The following MAP1B variants were observed in gnomAD, a reference collection of about 807,000 sequenced individuals.
MAP1B encodes microtubule associated protein 1B, also known as microtubule-associated protein 1B.
MAP1B carries 12 observed loss-of-function variants against 176.1 expected under a neutral mutation model. That is an observed-to-expected ratio of 0.07 (90% CI 0.04 to 0.11). MAP1B has a LOEUF of 0.11. MAP1B is among the 10% of genes least tolerant of loss of function. The probability of loss-of-function intolerance (pLI) is 1.00; values close to 1 mark genes in which losing one functional copy is unlikely to be tolerated. For missense variants in MAP1B, 2,523 were observed against 2,990.5 expected (o/e 0.84, Z 3.65); for synonymous variants, 1,044 against 1,135.0 (o/e 0.92, Z 1.61).
intron 2 of MAP1B, among the ~76,000 whole-genome samples, chr5:72,124,827 C>G (rs906483336): frequency 6.6e-6 from 1 of 152,196 alleles, no homozygotes; most frequent in Non-Finnish European, 1.5e-5. Flanking sequence ...AACAGCTATT[C>G]CCCTGAGGGA....
intron 4 of MAP1B, among the ~76,000 whole-genome samples, chr5:72,187,123 C>T (rs1300792584): frequency 2.6e-5 from 4 of 152,176 alleles, no homozygotes; most frequent in Non-Finnish European, 1.5e-5. Context: ...TTTGGCACCT[C>T]GTTTTCCAGG....
chr5:72,122,680 C>T (rs897097686), intron 2 of MAP1B, among the ~76,000 whole-genome samples: 2 of 147,218 alleles, frequency 1.4e-5, no homozygotes, highest in African/African-American at 2.5e-5. Flanking sequence ...GGATGTTTTA[C>T]TCTGCTGACT....
chr5:72,120,923 T>G (rs889182815), intron 2 of MAP1B, among the ~76,000 whole-genome samples: 1 of 152,230 alleles, frequency 6.6e-6, no homozygotes, highest in African/African-American at 2.4e-5. Flanking sequence ...TTTGTAGTAA[T>G]TTTAAATTTG....
Position 72,194,637 on chromosome 5 carries a change from G to C in MAP1B, c.1282G>C (p.Val428Leu). Residue 428 changes from valine (V) to leucine (L), a missense_variant, in exon 5 of 7, where the codon GTC (valine) becomes CTC (leucine). Coordinates refer to ENST00000296755, the MANE Select transcript of MAP1B (RefSeq NM_005909.5). The surrounding 1 kb of genome is among the most constrained non-coding windows in gnomAD (Gnocchi z 7.2). ...GKLEMYVLNP[V>L]KSSKEMQYFM... The stretch of plus-strand genomic sequence containing the variant: ...ACTTGAGATGTATGTGCTTAATCCA[G>C]TCAAGAGCAGCAAGGAAATGCAGTA... The C allele has an allele frequency of 6.2e-7, 1 of 1,614,156 alleles. No individual in the cohort carries two copies. Among genetic ancestry groups the C allele is most frequent in the Non-Finnish European group, 8.5e-7 (1 of 1,180,044 alleles).
chr5:72,189,226 G>A (rs900052063), intron 4 of MAP1B, among the ~76,000 whole-genome samples: 3 of 152,156 alleles, frequency 2.0e-5, no homozygotes, highest in Admixed American at 2.0e-4. Context: ...AATCACTGGA[G>A]ATCAATTAAC....
chr5:72,184,390 G>A (rs1746844171), intron 3 of MAP1B, among the ~76,000 whole-genome samples: 2 of 152,182 alleles, frequency 1.3e-5, no homozygotes, highest in South Asian at 4.2e-4. Context: ...TACTGTCTTT[G>A]TCTCCGTTTG....
At chr5:72,147,007 C>T (rs1746058898) in intron 2 of MAP1B, among the ~76,000 whole-genome samples, 1 of 147,078 alleles carries the variant, frequency 6.8e-6, no homozygotes, top group African/African-American at 2.5e-5. Flanking sequence ...GTGGCCCAGG[C>T]TGGAGTGCAG....
chr5:72,121,394 C>T (rs1259014184), intron 2 of MAP1B, among the ~76,000 whole-genome samples: 1 of 152,216 alleles, frequency 6.6e-6, no homozygotes, highest in African/African-American at 2.4e-5. Context: ...AGTTTTATAA[C>T]ATCTAGATCA....
chr5:72,119,833 A>T (rs1745495054), intron 2 of MAP1B, among the ~76,000 whole-genome samples: 1 of 152,184 alleles, frequency 6.6e-6, no homozygotes, highest in Non-Finnish European at 1.5e-5. Context: ...ATTTCTTTAA[A>T]GTTATGATTT....
intron 2 of MAP1B, among the ~76,000 whole-genome samples, chr5:72,160,805 T>C (rs1351716584): frequency 1.3e-5 from 2 of 152,114 alleles, no homozygotes; most frequent in Non-Finnish European, 2.9e-5. Context: ...ACAGGCTTCT[T>C]TGTCTCTGGA....
At chr5:72,160,849 A>G (rs994028214) in intron 2 of MAP1B, among the ~76,000 whole-genome samples, 20 of 152,210 alleles carry the variant, frequency 1.3e-4, no homozygotes, top group Non-Finnish European at 2.8e-4. Context: ...GACCATGGAA[A>G]TAAGTGACAG....
At chr5:72,137,697 A>C (rs1405808258) in intron 2 of MAP1B, among the ~76,000 whole-genome samples, 1 of 152,222 alleles carries the variant, frequency 6.6e-6, no homozygotes, top group Non-Finnish European at 1.5e-5. Context: ...CCCAGAATTG[A>C]CAACAGAAAT....
At chr5:72,176,362 G>A (rs1040819817) in intron 2 of MAP1B, among the ~76,000 whole-genome samples, 13 of 152,246 alleles carry the variant, frequency 8.5e-5, no homozygotes, top group African/African-American at 2.7e-4. Flanking sequence ...AAAGGAGAAA[G>A]GAATAGTGTC....
chr5:72,193,432 A>T (rs182019368), intron 4 of MAP1B: 46 of 305,274 alleles, frequency 1.5e-4, no homozygotes, highest in African/African-American at 9.7e-4. Flanking sequence ...TTCTCTTGTG[A>T]TAGTTTAACG....
intron 2 of MAP1B, among the ~76,000 whole-genome samples, chr5:72,168,041 C>G (rs1308529334): frequency 2.0e-5 from 3 of 152,248 alleles, no homozygotes. Context: ...TTGGCTCTTG[C>G]CCCTGTCCAG....
At chr5:72,163,138 G>A (rs1176300593) in intron 2 of MAP1B, among the ~76,000 whole-genome samples, 4 of 145,502 alleles carry the variant, frequency 2.7e-5, no homozygotes, top group Non-Finnish European at 6.0e-5. Context: ...TGAGGCAGGA[G>A]AATTGCTTGA....
At chr5:72,159,536 G>A (rs1746291631) in intron 2 of MAP1B, among the ~76,000 whole-genome samples, 1 of 152,186 alleles carries the variant, frequency 6.6e-6, no homozygotes, top group African/African-American at 2.4e-5. Flanking sequence ...GGCTGTGTAT[G>A]TACAAATATC....
At chr5:72,155,215 T>TATAGCAA (rs1746207125) in intron 2 of MAP1B, among the ~76,000 whole-genome samples, 3 of 152,200 alleles carry the variant, frequency 2.0e-5, no homozygotes, top group Admixed American at 6.5e-5. Context: ...CTATGTTTGG[T>TATAGCAA]ACATTTTGCT....
intron 2 of MAP1B, among the ~76,000 whole-genome samples, chr5:72,181,482 G>A (rs577519022): frequency 1.4e-4 from 22 of 152,050 alleles, no homozygotes; most frequent in African/African-American, 2.7e-4. Context: ...AACATTTGCC[G>A]TTTTAACTAT....
Sources: gnomAD v4.1 joint callset for allele counts (sites outside exome capture counted in the v4.1 genomes callset) on GRCh38, gnomAD v4.1.1 for gene constraint, Gnocchi (gnomAD v3.1) non-coding constraint, MANE v1.5 for transcripts, NCBI Gene and HGNC (gene_info 2026-07-23, HGNC 2026-07-21) for gene names.